Variants in EML5 observed in about 807,000 individuals in gnomAD.
EML5 encodes echinoderm microtubule-associated protein-like 5.
EML5 carries 120 observed loss-of-function variants against 250.0 expected under a neutral mutation model. That is an observed-to-expected ratio of 0.48 (90% confidence interval 0.41 to 0.56). The LOEUF is 0.56. EML5 is among the 20% of genes least tolerant of loss of function. The pLI is 0.00. For missense variants in EML5, 2,006 were observed against 2,437.6 expected (o/e 0.82, Z 3.73); for synonymous variants, 771 against 806.5 (o/e 0.96, Z 0.75).
rs1466857466 is a variant in EML5, at chr14:88,714,974, T to C, written c.1409A>G (p.Asp470Gly). Residue 470 changes from aspartate to glycine, a missense_variant, in exon 9 of 44, where the codon GAT (aspartate) becomes GGT (glycine). By Grantham distance (94) the Asp-to-Gly change is moderately conservative. Around this residue, in one of 7 missense-constraint regions of EML5, gnomAD observed 1,375 missense variants for 1,590.3 expected, o/e 0.86. Transcript: ENST00000554922. ...ATAAAAAAGTCTTTTCCCATTTCCA[T>C]CATTTGTCTGCAAATATCTACTGTC... ...SSDSRYLQTNDGNGKRLFYRM... is the reference protein window; with the variant it reads ...SSDSRYLQTNGGNGKRLFYRM... 6.2e-7 allele frequency: 1 copy of C among 1,612,926 alleles called. No individual in the cohort carries two copies. The highest frequency in any genetic ancestry group is 1.7e-5 in the Admixed American group (1 of 59,902).
Position 88,620,739 on chromosome 14 carries a change from C to A in EML5, c.5375+15G>T, listed in dbSNP as rs370186656. On this transcript the variant is annotated intron_variant, in intron 39 of 43. Coordinates refer to ENST00000554922, the MANE Select transcript of EML5 (RefSeq NM_183387.3). The surrounding 1 kb of genome is among the most constrained non-coding windows in gnomAD (Gnocchi z 4.3). ...CAAGTATATACTAGAAACTCTATTC[C>A]ATTTGTTCACTAACCTGATATCATG... The A allele has an allele frequency of 5.1e-6, 8 of 1,555,344 alleles. No homozygotes were observed. In the South Asian group the frequency reaches 1.0e-4, roughly 20 times the overall value.
At chr14:88,762,438 A>G (rs542872825) in intron 1 of EML5, among the ~76,000 whole-genome samples, 12 of 152,180 alleles carry the variant, frequency 7.9e-5, no homozygotes, top group Non-Finnish European at 1.6e-4. Context: ...TGAACCCGGG[A>G]GGCAGAGGTT....
intron 27 of EML5, among the ~76,000 whole-genome samples, chr14:88,655,850 C>A (rs2091848356): frequency 6.6e-6 from 1 of 151,816 alleles, no homozygotes; most frequent in African/African-American, 2.4e-5. Flanking sequence ...TTTATGTGGC[C>A]AAAAAACATG....
At chr14:88,659,316 T>A (rs1595408330) in intron 25 of EML5, among the ~76,000 whole-genome samples, 1 of 152,074 alleles carries the variant, frequency 6.6e-6, no homozygotes, top group East Asian at 1.9e-4. Context: ...GTTCAAGCGA[T>A]TCTTCTACCT....
intron 1 of EML5, among the ~76,000 whole-genome samples, chr14:88,764,192 C>A (rs1191356136): frequency 6.6e-6 from 1 of 152,138 alleles, no homozygotes; most frequent in Admixed American, 6.5e-5. Flanking sequence ...TAATGAGGGA[C>A]AGTTGTCTGT....
At chr14:88,684,812 AAAC>A (rs2092794490) in intron 20 of EML5, among the ~76,000 whole-genome samples, 200 bp downstream of exon 20, 1 of 152,082 alleles carries the variant, frequency 6.6e-6, no homozygotes, top group East Asian at 1.9e-4. Flanking sequence ...TAACAGAAAA[AAAC>A]AAATTTTTTC....
rs1330116025 is a variant in EML5, at chr14:88,615,899, G to T, written c.5898-45C>A. On this transcript the variant is annotated intron_variant, in intron 43 of 43. Transcript: ENST00000554922. ...TTGCAGGGAGTTAATTATGTTTTTA[G>T]ATTTTCATAACAGTTTAATATTTTT... 2.5e-6 allele frequency: 4 copies of T among 1,581,464 alleles called. No individual in the cohort carries two copies. In the African/African-American group the frequency reaches 5.4e-5, roughly 21 times the overall value.
At position 88,747,236 on chromosome 14, in the gene EML5, AC is replaced by A. The variant is rs564853242; in HGVS notation, c.358-954del. 3.5e-4 allele frequency among the ~76,000 whole-genome samples: 53 copies of A among 152,042 alleles called. No homozygotes were observed. In the East Asian group the frequency reaches 9.5e-3, roughly 27 times the overall value. ...AGACCAGCCTGGGCAACACGTTGAA[AC>A]CCCGTCTCTACTAAAATTACAAAAA... On this transcript the variant is annotated intron_variant, in intron 2 of 43. Transcript: ENST00000554922.
intron 21 of EML5, among the ~76,000 whole-genome samples, chr14:88,669,298 G>A (rs1382296880): frequency 6.6e-6 from 1 of 152,190 alleles, no homozygotes; most frequent in African/African-American, 2.4e-5. Flanking sequence ...TGGGGGAAGG[G>A]ACGGCTGTCA....
intron 1 of EML5, among the ~76,000 whole-genome samples, chr14:88,759,690 A>AC (rs2094210004): frequency 1.3e-5 from 2 of 149,854 alleles, no homozygotes; most frequent in Admixed American, 6.6e-5. Context: ...TCTCTTAAAA[A>AC]AAAAAAAAAA....
chr14:88,679,529 T>C lies in EML5; in HGVS notation c.3124+2361A>G, dbSNP rs368416041. On this transcript the variant is annotated intron_variant, in intron 21 of 43. Transcript: ENST00000554922. ...CAACATGGTGAAACTCCATCTCTACTAAAAATACAAAAATAAGCCAGCCGT... is the reference window on the plus strand; with the variant it reads ...CAACATGGTGAAACTCCATCTCTACCAAAAATACAAAAATAAGCCAGCCGT... Among the ~76,000 whole-genome samples, 110 of 151,902 alleles carry C rather than the reference T, an allele frequency of 7.2e-4. 2 individuals carry two copies. The East Asian group carries it at 0.019, about 27-fold the overall frequency.
At chr14:88,775,982 C>G (rs1437835800) in intron 1 of EML5, among the ~76,000 whole-genome samples, 3 of 151,970 alleles carry the variant, frequency 2.0e-5, no homozygotes, top group African/African-American at 7.3e-5. Context: ...GCCTGGTAAT[C>G]CAGAGAATTC....
At chr14:88,661,945 T>G in intron 24 of EML5, 115 bp from the exon 25 acceptor site, 1 of 979,408 alleles carries the variant, frequency 1.0e-6, no homozygotes, top group East Asian at 2.6e-5. Context: ...ATGAAAGTTT[T>G]AATGAAAAAA....
intron 1 of EML5, among the ~76,000 whole-genome samples, chr14:88,780,103 C>T (rs1481431370): frequency 6.6e-6 from 1 of 152,094 alleles, no homozygotes; most frequent in East Asian, 1.9e-4. Flanking sequence ...AGAAGCACAC[C>T]ACCACATCCA....
At position 88,702,479 on chromosome 14, in the gene EML5, A is replaced by C. The variant is rs753060163; in HGVS notation, c.2205T>G (p.Ile735Met). The change falls in exon 14 of 44, where the codon ATT becomes ATG. Residue 735 changes from isoleucine to methionine, a missense_variant. Around this residue, in one of 7 missense-constraint regions of EML5, gnomAD observed 1,375 missense variants for 1,590.3 expected, o/e 0.86. Coordinates refer to ENST00000554922, the MANE Select transcript of EML5 (RefSeq NM_183387.3). ...TTGCCACGTAGTCTTTCAAAGGATG[A>C]ATAGTTAGGCAGAGAATATCATCAT... ...GHDDDILCLT[I>M]HPLKDYVATG... is the part of the protein sequence containing the mutation. 3.0e-5 allele frequency: 49 copies of C among 1,613,088 alleles called. No individual in the cohort carries two copies. Among genetic ancestry groups the C allele is most frequent in the Non-Finnish European group, 3.9e-5 (46 of 1,179,532 alleles).
chr14:88,716,433 T>C (rs189246936), intron 8 of EML5, among the ~76,000 whole-genome samples: 1 of 152,172 alleles, frequency 6.6e-6, no homozygotes. Flanking sequence ...TAAATCCATA[T>C]ACCGTATTGC....
rs182187328 is a variant in EML5 at position 88,641,000 on chromosome 14, A to G, written c.4237+1893T>C. On this transcript the variant is annotated intron_variant, in intron 31 of 43. Coordinates refer to ENST00000554922, the MANE Select transcript of EML5 (RefSeq NM_183387.3). ...GGGCCTCTAAAAAAAGAAGAAGAAG[A>G]AGAAGAAAAATCTAGAGGAGATGGA... 4.2e-3 allele frequency among the ~76,000 whole-genome samples: 634 copies of G among 152,200 alleles called. 4 individuals carry two copies. The highest frequency in any genetic ancestry group is 0.032 in the South Asian group (153 of 4,824).
rs1314514253 is a variant in EML5, at chr14:88,687,208, C to G, written c.2854+8G>C. The G allele has an allele frequency of 6.3e-7, 1 of 1,597,892 alleles. No homozygotes were observed. Among genetic ancestry groups the G allele is most frequent in the Non-Finnish European group, 8.5e-7 (1 of 1,171,980 alleles). ...CCTATACAAAAACCCCACTAAGTCTCAAATCACCTTTAGATCCTGGGGCCA... is the reference window on the plus strand; with the variant it reads ...CCTATACAAAAACCCCACTAAGTCTGAAATCACCTTTAGATCCTGGGGCCA... On this transcript the variant is annotated splice_region_variant and intron_variant, in intron 19 of 43. Transcript: ENST00000554922.
At chr14:88,718,175 CA>C (rs1595651294) in intron 8 of EML5, among the ~76,000 whole-genome samples, 1 of 152,050 alleles carries the variant, frequency 6.6e-6, no homozygotes, top group African/African-American at 2.4e-5. Flanking sequence ...ATCATGAGTT[CA>C]GTTTTGGAAA....
Sources: allele counts gnomAD v4.1 joint callset (sites outside exome capture counted in the v4.1 genomes callset), GRCh38; gene constraint gnomAD v4.1.1; regional missense constraint gnomAD v4.1.1; non-coding constraint Gnocchi (gnomAD v3.1); transcripts MANE v1.5; gene names NCBI Gene and HGNC (gene_info 2026-07-23, HGNC 2026-07-21).